The following CDH4 variants were observed in gnomAD, a reference collection of about 807,000 sequenced individuals.
CDH4 encodes cadherin-4.
In CDH4, 33 loss-of-function variants were observed where a neutral mutation model predicts 86.0. The ratio of observed to expected loss-of-function variants is 0.38; its 90% CI spans 0.29 to 0.51. CDH4 has a LOEUF of 0.51. Among genes scored for constraint, CDH4 ranks in the 20% least tolerant of loss-of-function variants. The probability of loss-of-function intolerance (pLI) is 0.86; values close to 1 mark genes in which losing one functional copy is unlikely to be tolerated. For synonymous variants in CDH4, 555 were observed against 549.4 expected (o/e 1.01, Z -0.14); for missense variants, 1,114 against 1,307.4 (o/e 0.85, Z 2.28).
intron 2 of CDH4, among the ~76,000 whole-genome samples, chr20:61,460,633 T>C (rs572636270): frequency 2.0e-5 from 3 of 152,238 alleles, no homozygotes; most frequent in Admixed American, 2.0e-4. Context: ...CGTCCCTAAG[T>C]GGTGAGGTGG....
intron 3 of CDH4, among the ~76,000 whole-genome samples, chr20:61,748,790 T>C (rs1450657633): frequency 6.6e-6 from 1 of 152,154 alleles, no homozygotes; most frequent in African/African-American, 2.4e-5. Context: ...TTATAAAGTC[T>C]TTAGAAAATC....
intron 2 of CDH4, among the ~76,000 whole-genome samples, chr20:61,564,219 A>C (rs2086244532): frequency 6.6e-6 from 1 of 152,122 alleles, no homozygotes; most frequent in African/African-American, 2.4e-5. Context: ...CAATGAGTTC[A>C]TATCTGAGGT....
At chr20:61,547,744 C>T (rs2086099440) in intron 2 of CDH4, among the ~76,000 whole-genome samples, 1 of 152,230 alleles carries the variant, frequency 6.6e-6, no homozygotes, top group African/African-American at 2.4e-5. Context: ...GGCTGCCTTT[C>T]TGGGAATGGC....
intron 2 of CDH4, among the ~76,000 whole-genome samples, chr20:61,441,410 C>T (rs1305753707): frequency 1.3e-5 from 2 of 152,194 alleles, no homozygotes; most frequent in East Asian, 1.9e-4. Flanking sequence ...GCTCGCTCAT[C>T]GATGACACTG....
chr20:61,562,154 G>GGAGAGAGAGAGGGACCTCCCT (rs1555808637), intron 2 of CDH4, among the ~76,000 whole-genome samples: 2 of 107,414 alleles, frequency 1.9e-5, no homozygotes, highest in East Asian at 3.1e-4. Flanking sequence ...CAGGGCTCCC[G>GGAGAGAGAGAGGGACCTCCCT]GAGAGAGAGA....
Position 61,708,198 on chromosome 20 carries a change from G to A in CDH4, c.170-35365G>A, listed in dbSNP as rs551168715. Among the ~76,000 whole-genome samples the A allele has an allele frequency of 1.5e-4, 23 of 152,132 alleles. No homozygotes were observed. Among genetic ancestry groups the A allele is most frequent in the South Asian group, 4.1e-4 (2 of 4,832 alleles). On this transcript the variant is annotated intron_variant, in intron 2 of 15. Transcript: ENST00000614565. This position sits in a 1 kb window ranked among gnomAD's most constrained non-coding sequence, Gnocchi z 4.5. Reference sequence around the variant, plus strand: ...CTAGGAAGAAGGGCTGGTGCTGCCCGCAAGTGCCTGGACCTGCACACACAC... The same window carrying A: ...CTAGGAAGAAGGGCTGGTGCTGCCCACAAGTGCCTGGACCTGCACACACAC...
chr20:61,718,912 C>T (rs1415819029), intron 2 of CDH4: 1 of 471,110 alleles, frequency 2.1e-6, no homozygotes, highest in Admixed American at 2.3e-5. Context: ...TGTTGGAGCT[C>T]TTCCAGCCCA....
rs991066573 is a variant in CDH4 at position 61,902,306 on chromosome 20, G to A, written c.1188+7259G>A. On this transcript the variant is annotated intron_variant, in intron 8 of 15. Coordinates refer to ENST00000614565, the MANE Select transcript of CDH4 (RefSeq NM_001794.5). The surrounding 1 kb of genome is among the most constrained non-coding windows in gnomAD (Gnocchi z 4.6). ...CAGGACCCCCGGGGCCTCCATTCCA[G>A]GAGAAGCAGCCTCACTCTGCCCTTC... Among the ~76,000 whole-genome samples, 8 of 152,268 alleles carry A rather than the reference G, an allele frequency of 5.3e-5. No individual in the cohort carries two copies. The highest frequency in any genetic ancestry group is 7.3e-5 in the Non-Finnish European group (5 of 68,054).
At chr20:61,907,354 C>T (rs1366765217) in intron 8 of CDH4, among the ~76,000 whole-genome samples, 1 of 151,996 alleles carries the variant, frequency 6.6e-6, no homozygotes, top group Admixed American at 6.6e-5. Context: ...GGGGCCTGGC[C>T]GCCCAGGATC....
At position 61,682,813 on chromosome 20, in the gene CDH4, A is replaced by G. The variant is rs1600870023; in HGVS notation, c.170-60750A>G. 2.0e-5 allele frequency among the ~76,000 whole-genome samples: 3 copies of G among 152,048 alleles called. No homozygotes were observed. The East Asian group carries it at 5.8e-4, about 29-fold the overall frequency. On this transcript the variant is annotated intron_variant, in intron 2 of 15. Coordinates refer to ENST00000614565, the MANE Select transcript of CDH4 (RefSeq NM_001794.5). ...CTGTGGAATGTTGTATTACTCTCAC[A>G]TTTGTAGGTTTATGGCATTTGTTAT...
intron 1 of CDH4, 104 bp from the exon 2 acceptor site, chr20:61,254,722 C>T (rs879493043): frequency 3.1e-5 from 24 of 775,436 alleles, no homozygotes; most frequent in Middle Eastern, 2.4e-4. Flanking sequence ...GCCAGCCTTT[C>T]TCTCTTAGCC....
rs975334147 is a variant in CDH4 at position 61,937,114 on chromosome 20, C to T, written c.*171C>T. ...CTAGCATGAGCACCCACCCCCACAG[C>T]GCCCTGCACCCGGCCGCTGCCCAGC... On this transcript the variant is annotated 3_prime_UTR_variant, in exon 16 of 16. Coordinates refer to ENST00000614565, the MANE Select transcript of CDH4 (RefSeq NM_001794.5). 1.1e-5 allele frequency: 5 copies of T among 466,736 alleles called. No individual in the cohort carries two copies. The highest frequency in any genetic ancestry group is 1.1e-4 in the South Asian group (2 of 18,020). 28.9% of individuals were successfully genotyped at this position (466,736 alleles called of 1,614,324 possible).
rs138123923 is a variant in CDH4, at chr20:61,499,509, TA to T, written c.170-244053del. The T allele has an allele frequency of 8.3e-4, 1,068 of 1,288,906 alleles. 8 individuals carry two copies. In the African/African-American group the frequency reaches 0.011, roughly 13 times the overall value. 79.8% of individuals were successfully genotyped at this position (1,288,906 alleles called of 1,614,324 possible). A position where few individuals can be genotyped will look rare whatever the true frequency, so the allele number is the denominator to read the frequency against. ...TTAAAGAAGGCAAGTGTGAGTGTGC[TA>T]GGGGGGCTTAGGGTTGTTTGTGGGC... On this transcript the variant is annotated intron_variant, in intron 2 of 15. Transcript: ENST00000614565.
intron 2 of CDH4, among the ~76,000 whole-genome samples, chr20:61,302,602 C>T (rs1206013523): frequency 6.6e-6 from 1 of 152,122 alleles, no homozygotes; most frequent in Non-Finnish European, 1.5e-5. Flanking sequence ...CTCAAGTCAT[C>T]CTGAGACTGG....
chr20:61,719,928 T>A (rs1263696439), intron 2 of CDH4, among the ~76,000 whole-genome samples: 2 of 152,054 alleles, frequency 1.3e-5, no homozygotes, highest in Non-Finnish European at 2.9e-5. Context: ...GCAGAAAAGG[T>A]GATAAGACAT....
chr20:61,832,176 C>T (rs1981653063), intron 4 of CDH4, among the ~76,000 whole-genome samples: 1 of 152,250 alleles, frequency 6.6e-6, no homozygotes, highest in Non-Finnish European at 1.5e-5. Context: ...GAAACAGCCA[C>T]CTTCCCTACT....
chr20:61,926,602 G>A (rs765471298), intron 11 of CDH4, among the ~76,000 whole-genome samples: 22 of 152,224 alleles, frequency 1.4e-4, no homozygotes, highest in African/African-American at 3.6e-4. Flanking sequence ...GCCAGGCCCC[G>A]TGGCTCACAC....
intron 2 of CDH4, among the ~76,000 whole-genome samples, chr20:61,499,008 G>A (rs2085681466): frequency 6.6e-6 from 1 of 152,206 alleles, no homozygotes; most frequent in Non-Finnish European, 1.5e-5. Flanking sequence ...TTGAGTAGGA[G>A]ATGGGGGCGT....
chr20:61,530,529 A>G (rs1044508850), intron 2 of CDH4, among the ~76,000 whole-genome samples: 5 of 152,140 alleles, frequency 3.3e-5, no homozygotes, highest in Non-Finnish European at 5.9e-5. Flanking sequence ...ACTGGGAAGT[A>G]GCCTCTTCCC....
Sources: gnomAD v4.1 joint callset for allele counts (sites outside exome capture counted in the v4.1 genomes callset) on GRCh38, gnomAD v4.1.1 for gene constraint, Gnocchi (gnomAD v3.1) non-coding constraint, MANE v1.5 for transcripts, NCBI Gene and HGNC (gene_info 2026-07-23, HGNC 2026-07-21) for gene names.